The following SCP2 variants were observed in gnomAD, a reference collection of about 807,000 sequenced individuals.
SCP2 encodes the protein SCP-2/3-oxoacyl-CoA thiolase.
Under a neutral mutation model 71.4 loss-of-function variants are expected in SCP2, and 48 were observed. The ratio of observed to expected loss-of-function variants is 0.67; its 90% CI spans 0.53 to 0.86. SCP2 has a LOEUF of 0.86. Ranked by LOEUF, SCP2 falls within the 40% of genes least tolerant of loss-of-function variation. The probability of loss-of-function intolerance (pLI) is 0.00; values close to 1 mark genes in which losing one functional copy is unlikely to be tolerated. For missense variants in SCP2, 560 were observed against 655.6 expected (o/e 0.85, Z 1.59); for synonymous variants, 220 against 218.1 (o/e 1.01, Z -0.08).
At chr1:53,001,924 C>T (rs1660342467) in intron 11 of SCP2, among the ~76,000 whole-genome samples, 1 of 152,174 alleles carries the variant, frequency 6.6e-6, no homozygotes, top group Non-Finnish European at 1.5e-5. Flanking sequence ...GTGGCTCATG[C>T]CTGTAATCCC....
chr1:52,983,565 A>G (rs1658712002), intron 10 of SCP2, among the ~76,000 whole-genome samples: 1 of 152,166 alleles, frequency 6.6e-6, no homozygotes, highest in Non-Finnish European at 1.5e-5. Flanking sequence ...CTTTAAATTC[A>G]CTGACTCTTC....
At position 52,978,266 on chromosome 1, in the gene SCP2, G is replaced by T. The variant is rs201599199; in HGVS notation, c.724G>T (p.Val242Leu). 5 of 1,614,064 alleles carry T rather than the reference G, an allele frequency of 3.1e-6. No homozygotes were observed. Among genetic ancestry groups the T allele is most frequent in the Non-Finnish European group, 3.4e-6 (4 of 1,179,952 alleles). Residue 242 changes from valine to leucine, a missense_variant, in exon 9 of 16, where the codon GTA becomes TTA. Coordinates refer to ENST00000371514, the MANE Select transcript of SCP2 (RefSeq NM_002979.5). ...AGCAATTTTGGCCAGTGAAGCATTTGTACAGAAGTATGGCCTGCAATCCAA... is the reference window on the plus strand; with the variant it reads ...AGCAATTTTGGCCAGTGAAGCATTTTTACAGAAGTATGGCCTGCAATCCAA... Reference protein sequence around the residue: ...AAAILASEAFVQKYGLQSKAV... With the variant: ...AAAILASEAFLQKYGLQSKAV...
chr1:52,985,043 A>G lies in SCP2; in HGVS notation c.974-2986A>G, dbSNP rs190703398. On this transcript the variant is annotated intron_variant, in intron 10 of 15. Coordinates refer to ENST00000371514, the MANE Select transcript of SCP2 (RefSeq NM_002979.5). ...TTTTTAGTAGAGACGGGATTTCACC[A>G]TGTTGGTCAGGCTGGTCTCGAACTC... Among the ~76,000 whole-genome samples, 587 of 151,346 alleles carry G rather than the reference A, an allele frequency of 3.9e-3. 5 individuals carry two copies. The highest frequency in any genetic ancestry group is 0.012 in the South Asian group (59 of 4,784).
chr1:53,034,150 G>A (rs6673465), intron 13 of SCP2, among the ~76,000 whole-genome samples: 14,994 of 151,806 alleles, frequency 0.099, 1,468 homozygotes, highest in African/African-American at 0.22. Flanking sequence ...GGTGGTGCGC[G>A]CCTGTAGTCT....
chr1:52,931,343 G>A (rs1021554998), intron 1 of SCP2, among the ~76,000 whole-genome samples: 13 of 152,100 alleles, frequency 8.5e-5, no homozygotes, highest in African/African-American at 3.1e-4. Context: ...TGGGAAAGAA[G>A]AAAAAGACTA....
intron 6 of SCP2, among the ~76,000 whole-genome samples, chr1:52,965,618 G>C (rs1656876286): frequency 6.6e-6 from 1 of 151,988 alleles, no homozygotes; most frequent in African/African-American, 2.4e-5. Flanking sequence ...GTCGTTGCTT[G>C]TGTATACAAA....
chr1:53,045,439 G>T (rs2150274108), intron 14 of SCP2, among the ~76,000 whole-genome samples: 1 of 152,262 alleles, frequency 6.6e-6, no homozygotes, highest in South Asian at 2.1e-4. Context: ...TATTCCTTGT[G>T]CATTTGATGT....
chr1:52,994,405 TTTA>T (rs2150198619), intron 11 of SCP2: 1 of 466,942 alleles, frequency 2.1e-6, no homozygotes, highest in Admixed American at 6.1e-5. Context: ...ATAGCATGTT[TTTA>T]TTATAATTTG....
chr1:53,021,973 A>G (rs1010129121), intron 12 of SCP2, among the ~76,000 whole-genome samples: 22 of 152,304 alleles, frequency 1.4e-4, no homozygotes, highest in African/African-American at 5.1e-4. Flanking sequence ...AAATTATTTC[A>G]GATAACTTTA....
At chr1:52,932,425 G>A (rs1653246903) in intron 1 of SCP2, among the ~76,000 whole-genome samples, 2 of 152,124 alleles carry the variant, frequency 1.3e-5, no homozygotes, top group Non-Finnish European at 2.9e-5. Context: ...TAATGTAAGT[G>A]CTAAAAAATT....
chr1:52,942,883 G>T (rs1174423750), intron 2 of SCP2, among the ~76,000 whole-genome samples: 4 of 151,710 alleles, frequency 2.6e-5, no homozygotes, highest in Non-Finnish European at 5.9e-5. Flanking sequence ...TGTATTTTTA[G>T]TAGAAACGGG....
intron 6 of SCP2, 132 bp downstream of exon 6, chr1:52,961,761 C>T (rs1473214917): frequency 1.6e-5 from 13 of 802,892 alleles, no homozygotes; most frequent in South Asian, 3.2e-5. Context: ...TGAATTAAAT[C>T]GAAGTAATAG....
intron 6 of SCP2, among the ~76,000 whole-genome samples, chr1:52,967,327 ATT>A (rs78972221): frequency 7.0e-6 from 1 of 142,990 alleles, no homozygotes. Flanking sequence ...TTGGTAATCT[ATT>A]TTTTTTTTTT....
At chr1:53,025,734 GC>G (rs1662083012) in intron 12 of SCP2, among the ~76,000 whole-genome samples, 1 of 152,172 alleles carries the variant, frequency 6.6e-6, no homozygotes, top group South Asian at 2.1e-4. Flanking sequence ...TATTCCAACA[GC>G]CTCCTAACTA....
intron 14 of SCP2, among the ~76,000 whole-genome samples, chr1:53,044,526 C>A (rs1275848053): frequency 1.3e-5 from 2 of 152,220 alleles, no homozygotes; most frequent in African/African-American, 4.8e-5. Context: ...GTGATCAACA[C>A]TGACAAGGGC....
At chr1:52,974,183 T>C (rs1657738332) in intron 6 of SCP2, among the ~76,000 whole-genome samples, 1 of 152,176 alleles carries the variant, frequency 6.6e-6, no homozygotes, top group African/African-American at 2.4e-5. Context: ...TTTATCTTTT[T>C]AAAAGTAGTA....
chr1:52,987,107 C>T (rs1230033720), intron 10 of SCP2, among the ~76,000 whole-genome samples: 9 of 148,820 alleles, frequency 6.0e-5, no homozygotes. Flanking sequence ...GATGGGGTTT[C>T]ACCATGTTGG....
At chr1:53,017,578 G>T (rs189130451) in intron 12 of SCP2, among the ~76,000 whole-genome samples, 46 of 152,276 alleles carry the variant, frequency 3.0e-4, no homozygotes, top group Non-Finnish European at 5.3e-4. Context: ...GGAAGTGTTA[G>T]TTGCTTACCC....
chr1:53,020,909 G>T (rs11804953), intron 12 of SCP2, among the ~76,000 whole-genome samples: 26,272 of 152,122 alleles, frequency 0.17, 4,833 homozygotes, highest in African/African-American at 0.47. Context: ...ACCGTCTCCA[G>T]TCAGAACAAA....
Sources: allele counts gnomAD v4.1 joint callset (sites outside exome capture counted in the v4.1 genomes callset), GRCh38; gene constraint gnomAD v4.1.1; transcripts MANE v1.5; gene names NCBI Gene and HGNC (gene_info 2026-07-23, HGNC 2026-07-21).